Variants in RAB38 observed in about 807,000 individuals in gnomAD.
RAB38 encodes ras-related protein Rab-38.
A neutral mutation model predicts 18.4 loss-of-function variants in RAB38; 15 were observed. The observed-to-expected ratio is 0.82, with a 90% CI of 0.55 to 1.26. The LOEUF (loss-of-function observed/expected upper bound fraction) is 1.26, where lower values mean the gene tolerates loss of function less well. Among genes scored for constraint, RAB38 ranks in the 50% most tolerant of loss-of-function variants. RAB38 has a pLI of 0.00. For missense variants in RAB38, 294 were observed against 267.4 expected (o/e 1.10, Z -0.69); for synonymous variants, 101 against 104.4 (o/e 0.97, Z 0.20).
chr11:87,894,459 G>T, the RAB38 span, among the ~76,000 whole-genome samples: 1 of 151,586 alleles, frequency 6.6e-6, no homozygotes, highest in South Asian at 2.1e-4. Context: ...GAGCAGTTCC[G>T]ACATACTTTG....
At chr11:88,160,635 G>A (rs1040680360) in intron 1 of RAB38, among the ~76,000 whole-genome samples, 3 of 152,084 alleles carry the variant, frequency 2.0e-5, no homozygotes, top group Non-Finnish European at 2.9e-5. Context: ...ATTCATCATG[G>A]AATATTACAC....
the RAB38 span, among the ~76,000 whole-genome samples, chr11:87,877,480 T>C: frequency 1.3e-5 from 2 of 151,622 alleles, no homozygotes; most frequent in Non-Finnish European, 3.0e-5. Flanking sequence ...CTTTGTTTGC[T>C]AATTCTGACT....
chr11:87,933,356 C>T, the RAB38 span, among the ~76,000 whole-genome samples: 3 of 152,040 alleles, frequency 2.0e-5, no homozygotes, highest in African/African-American at 7.2e-5. Flanking sequence ...TCATATTTTT[C>T]AGGTAAAGTT....
At chr11:88,064,555 G>A in the RAB38 span, among the ~76,000 whole-genome samples, 3 of 152,162 alleles carry the variant, frequency 2.0e-5, no homozygotes, top group African/African-American at 7.2e-5. Flanking sequence ...CTCTCCCCAC[G>A]TCAGAGTATA....
At chr11:87,841,944 G>A in the RAB38 span, among the ~76,000 whole-genome samples, 1 of 152,120 alleles carries the variant, frequency 6.6e-6, no homozygotes, top group Non-Finnish European at 1.5e-5. Context: ...TTGGCTGAGT[G>A]TTATCTTTTT....
At chr11:87,916,679 A>C in the RAB38 span, among the ~76,000 whole-genome samples, 3 of 152,104 alleles carry the variant, frequency 2.0e-5, no homozygotes, top group Admixed American at 6.6e-5. Context: ...GACTGAGACA[A>C]TTATTATGTC....
At chr11:88,121,658 G>A (rs1294854074) in intron 2 of RAB38, among the ~76,000 whole-genome samples, 3 of 152,138 alleles carry the variant, frequency 2.0e-5, no homozygotes, top group Non-Finnish European at 4.4e-5. Context: ...CACCTCCCAG[G>A]TTCACACCAT....
At chr11:87,873,908 A>G in the RAB38 span, among the ~76,000 whole-genome samples, 19,214 of 98,834 alleles carry the variant, frequency 0.19, 2,147 homozygotes, top group East Asian at 0.43. Flanking sequence ...ATATATATAT[A>G]TGTGTGTGTG....
At chr11:88,122,795 A>C (rs1238541045) in intron 2 of RAB38, among the ~76,000 whole-genome samples, 1 of 152,224 alleles carries the variant, frequency 6.6e-6, no homozygotes, top group Non-Finnish European at 1.5e-5. Flanking sequence ...TATTTTTATG[A>C]TAATTAAATG....
the RAB38 span, among the ~76,000 whole-genome samples, chr11:87,890,361 G>A: frequency 6.6e-6 from 1 of 151,766 alleles, no homozygotes; most frequent in South Asian, 2.1e-4. Context: ...GAAGAGACAT[G>A]TCTTCCCTCC....
intron 2 of RAB38, among the ~76,000 whole-genome samples, chr11:88,137,412 T>G (rs1942849831): frequency 6.6e-6 from 1 of 152,132 alleles, no homozygotes; most frequent in Non-Finnish European, 1.5e-5. Flanking sequence ...TTAGGATTTT[T>G]GAAAAAGAAT....
At chr11:88,064,438 G>A in the RAB38 span, among the ~76,000 whole-genome samples, 7 of 152,108 alleles carry the variant, frequency 4.6e-5, 1 homozygote, top group South Asian at 6.2e-4. Flanking sequence ...TCTTGTATAG[G>A]GTCTGTCTCT....
chr11:87,857,578 T>C, the RAB38 span, among the ~76,000 whole-genome samples: 13 of 152,206 alleles, frequency 8.5e-5, no homozygotes, highest in African/African-American at 3.1e-4. Flanking sequence ...AGATGGTATC[T>C]CATTGTGGTT....
At chr11:87,909,568 A>T in the RAB38 span, among the ~76,000 whole-genome samples, 10 of 152,082 alleles carry the variant, frequency 6.6e-5, no homozygotes, top group African/African-American at 2.4e-4. Flanking sequence ...CCATAAAATC[A>T]GAATCAAAAT....
At chr11:88,023,407 A>T in the RAB38 span, among the ~76,000 whole-genome samples, 1 of 151,886 alleles carries the variant, frequency 6.6e-6, no homozygotes, top group Non-Finnish European at 1.5e-5. Context: ...AAAGAATACT[A>T]AAAAAGTAAA....
At chr11:87,840,173 TGAAAG>T in the RAB38 span, among the ~76,000 whole-genome samples, 1 of 152,058 alleles carries the variant, frequency 6.6e-6, no homozygotes, top group Non-Finnish European at 1.5e-5. Context: ...TGATAACAAA[TGAAAG>T]GAAGAGTTGG....
the RAB38 span, among the ~76,000 whole-genome samples, chr11:88,028,406 A>G: frequency 1.3e-5 from 2 of 152,240 alleles, no homozygotes; most frequent in African/African-American, 4.8e-5. Flanking sequence ...TGAGAGAAGA[A>G]GGCTTCAGAC....
the RAB38 span, among the ~76,000 whole-genome samples, chr11:87,862,117 G>A: frequency 6.6e-6 from 1 of 151,798 alleles, no homozygotes; most frequent in Non-Finnish European, 1.5e-5. Context: ...ATTCCTCAAA[G>A]ACCTAAAGAC....
chr11:88,161,235 G>A (rs949641510), intron 1 of RAB38, among the ~76,000 whole-genome samples: 6 of 152,034 alleles, frequency 3.9e-5, no homozygotes, highest in Non-Finnish European at 8.8e-5. Context: ...TTTTTAAAAC[G>A]CATCCTAAAT....
Sources: allele counts gnomAD v4.1 joint callset (sites outside exome capture counted in the v4.1 genomes callset), GRCh38; gene constraint gnomAD v4.1.1; transcripts MANE v1.5; gene names NCBI Gene and HGNC (gene_info 2026-07-23, HGNC 2026-07-21).